Variants in NT5C3A observed in about 807,000 individuals in gnomAD.
The protein encoded by NT5C3A is 5'-nucleotidase, cytosolic IIIA.
In NT5C3A, 23 loss-of-function variants were observed where a neutral mutation model predicts 40.0. The observed-to-expected ratio is 0.58, with a 90% CI of 0.41 to 0.81. The LOEUF is 0.81. NT5C3A is among the 40% of genes least tolerant of loss of function. The pLI is 0.00. For synonymous variants in NT5C3A, 130 were observed against 141.4 expected (o/e 0.92, Z 0.57); for missense variants, 328 against 403.0 (o/e 0.81, Z 1.59).
rs181170442 is a variant in NT5C3A at position 33,031,235 on chromosome 7, C to G, written c.139-4320G>C. 8.8e-4 allele frequency among the ~76,000 whole-genome samples: 134 copies of G among 151,894 alleles called. 1 individual carries two copies. Among genetic ancestry groups the G allele is most frequent in the African/African-American group, 3.1e-3 (129 of 41,406 alleles). ...CCTAATTTCCAGGATGAGATTATGA[C>G]AACTTCAAAGTTTAATTCTGTTTGA... On this transcript the variant is annotated intron_variant, in intron 1 of 8. Transcript: ENST00000610140.
intron 1 of NT5C3A, among the ~76,000 whole-genome samples, chr7:33,048,535 T>C (rs1225449437): frequency 6.6e-6 from 1 of 152,184 alleles, no homozygotes; most frequent in Non-Finnish European, 1.5e-5. Flanking sequence ...GCTATAAGTG[T>C]ACTAGAGGGG....
chr7:33,054,217 G>A (rs1013617280), intron 1 of NT5C3A, among the ~76,000 whole-genome samples: 1 of 151,962 alleles, frequency 6.6e-6, no homozygotes, highest in African/African-American at 2.4e-5. Context: ...AGCCAGGCAT[G>A]GTGGCATGCA....
At chr7:33,016,285 A>G (rs1181052304) in intron 7 of NT5C3A, among the ~76,000 whole-genome samples, 2 of 142,800 alleles carry the variant, frequency 1.4e-5, no homozygotes, top group Non-Finnish European at 3.1e-5. Context: ...GAGGAAGGAG[A>G]ATCGCCTGAA....
chr7:33,023,857 A>C, intron 3 of NT5C3A, 182 bp downstream of exon 3: 1 of 585,802 alleles, frequency 1.7e-6, no homozygotes, highest in Non-Finnish European at 3.0e-6. Flanking sequence ...CATACATGAA[A>C]ATAACCATTT....
intron 6 of NT5C3A, among the ~76,000 whole-genome samples, chr7:33,018,844 G>GA (rs112549232): frequency 0.034 from 4,919 of 142,908 alleles, 128 homozygotes; most frequent in South Asian, 0.13. Context: ...AAAAAAAAAA[G>GA]AAAAAAAAAA....
Position 33,062,727 on chromosome 7 carries a change from C to T in NT5C3A, c.-22G>A, listed in dbSNP as rs1787835066. 1.3e-6 allele frequency: 2 copies of T among 1,552,912 alleles called. No homozygotes were observed. Among genetic ancestry groups the T allele is most frequent in the East Asian group, 4.9e-5 (2 of 40,986 alleles). On this transcript the variant is annotated 5_prime_UTR_variant, in exon 1 of 9. Coordinates refer to ENST00000610140, the MANE Select transcript of NT5C3A (RefSeq NM_001002010.5). Reference sequence around the variant, plus strand: ...CCATGGACGGGGCCCTCATGCGCGTCCAAGCAGGAAAAAAACAGGCAGCTC... The same window carrying T: ...CCATGGACGGGGCCCTCATGCGCGTTCAAGCAGGAAAAAAACAGGCAGCTC...
intron 5 of NT5C3A, among the ~76,000 whole-genome samples, chr7:33,020,775 AT>A (rs11434167): frequency 3.1e-4 from 44 of 142,418 alleles, no homozygotes; most frequent in Admixed American, 3.5e-4. Context: ...GTCATGATCT[AT>A]TTTTTTTTTT....
chr7:33,062,257 A>G (rs1158321181), intron 1 of NT5C3A, among the ~76,000 whole-genome samples: 1 of 152,168 alleles, frequency 6.6e-6, no homozygotes, highest in Non-Finnish European at 1.5e-5. Flanking sequence ...GTTTTGCAGC[A>G]CAAAGTAGCC....
Position 33,062,743 on chromosome 7 carries a change from C to A in NT5C3A, c.-38G>T. 6.5e-7 allele frequency: 1 copy of A among 1,550,120 alleles called. No homozygotes were observed. Among genetic ancestry groups the A allele is most frequent in the Non-Finnish European group, 8.7e-7 (1 of 1,146,990 alleles). ...CATGCGCGTCCAAGCAGGAAAAAAA[C>A]AGGCAGCTCGCGTAGACTGCGAGTC... is the stretch of plus-strand genomic sequence containing the variant. On this transcript the variant is annotated 5_prime_UTR_variant, in exon 1 of 9. Transcript: ENST00000610140.
In NT5C3A at chr7:33,022,843, T is replaced by C. The variant is rs75684602; in HGVS notation, c.308-744A>G. Among the ~76,000 whole-genome samples, 999 of 152,328 alleles carry C rather than the reference T, an allele frequency of 6.6e-3. 6 individuals are homozygous for C. The highest frequency in any genetic ancestry group is 9.2e-3 in the Non-Finnish European group (627 of 68,024). On this transcript the variant is annotated intron_variant, in intron 3 of 8. Coordinates refer to ENST00000610140, the MANE Select transcript of NT5C3A (RefSeq NM_001002010.5). Reference sequence around the variant, plus strand: ...ACCATTATTTTTGTGAATAAAGTTTTTTAAAAACTGCATTTGAGATTATTA... The same window carrying C: ...ACCATTATTTTTGTGAATAAAGTTTCTTAAAAACTGCATTTGAGATTATTA...
At chr7:33,056,465 G>C (rs866746461) in intron 1 of NT5C3A, among the ~76,000 whole-genome samples, 1 of 87,862 alleles carries the variant, frequency 1.1e-5, no homozygotes, top group African/African-American at 4.5e-5. Flanking sequence ...GTGAGACCCC[G>C]TCTCTACCAA....
intron 3 of NT5C3A, among the ~76,000 whole-genome samples, chr7:33,022,629 T>A (rs1182738808): frequency 6.6e-6 from 1 of 152,192 alleles, no homozygotes; most frequent in Non-Finnish European, 1.5e-5. Context: ...ATCAATTAGA[T>A]AAGAGATCAT....
chr7:33,045,392 T>C (rs1468185350), intron 1 of NT5C3A, among the ~76,000 whole-genome samples: 1 of 152,168 alleles, frequency 6.6e-6, no homozygotes, highest in Admixed American at 6.5e-5. Context: ...GTTTAAAATG[T>C]ATAAGGAGCA....
At chr7:33,027,430 G>C (rs1222231243) in intron 1 of NT5C3A, among the ~76,000 whole-genome samples, 1 of 152,136 alleles carries the variant, frequency 6.6e-6, no homozygotes, top group Non-Finnish European at 1.5e-5. Context: ...TCCAGCTACA[G>C]AGTAAGATAA....
At chr7:33,036,391 C>T (rs535395951) in intron 1 of NT5C3A, 29 of 245,428 alleles carry the variant, frequency 1.2e-4, no homozygotes, top group South Asian at 1.2e-3. Flanking sequence ...ATCTTGCTTT[C>T]GGGAGTGCAA....
chr7:33,048,742 A>G (rs751547050), intron 1 of NT5C3A, among the ~76,000 whole-genome samples: 12 of 152,144 alleles, frequency 7.9e-5, no homozygotes, highest in Non-Finnish European at 1.3e-4. Flanking sequence ...CCTGTTTTCT[A>G]CAGTGCTAAG....
intron 1 of NT5C3A, among the ~76,000 whole-genome samples, chr7:33,045,261 A>G (rs1787098732): frequency 6.6e-6 from 1 of 152,204 alleles, no homozygotes; most frequent in African/African-American, 2.4e-5. Flanking sequence ...CATGCAAAAC[A>G]TCAGTCTAGG....
intron 1 of NT5C3A, among the ~76,000 whole-genome samples, chr7:33,034,195 C>G (rs1786456109): frequency 6.6e-6 from 1 of 151,866 alleles, no homozygotes; most frequent in Non-Finnish European, 1.5e-5. Context: ...CCGGCCAGAC[C>G]TATCAATATT....
At chr7:33,058,730 C>T (rs1787665451) in intron 1 of NT5C3A, among the ~76,000 whole-genome samples, 1 of 152,214 alleles carries the variant, frequency 6.6e-6, no homozygotes, top group Admixed American at 6.5e-5. Context: ...TCCCCTAGAA[C>T]TTTGCTAGAC....
Sources: allele counts gnomAD v4.1 joint callset (sites outside exome capture counted in the v4.1 genomes callset), GRCh38; gene constraint gnomAD v4.1.1; transcripts MANE v1.5; gene names NCBI Gene and HGNC (gene_info 2026-07-23, HGNC 2026-07-21).